DOCK9: variants seen among roughly 807,000 people sequenced by gnomAD.
DOCK9 encodes the protein dedicator of cytokinesis protein 9.
A neutral mutation model predicts 263.3 loss-of-function variants in DOCK9; 89 were observed. The ratio of observed to expected loss-of-function variants is 0.34; its 90% confidence interval spans 0.28 to 0.40. DOCK9 has a LOEUF of 0.40. Ranked by LOEUF, DOCK9 falls within the 10% of genes least tolerant of loss-of-function variation. The pLI is 1.00. For synonymous variants in DOCK9, 976 were observed against 973.1 expected, an observed-to-expected ratio of 1.00 and a Z score of -0.06; for missense variants, 2,140 against 2,603.4, an observed-to-expected ratio of 0.82 and a Z score of 3.87.
At chr13:98,991,843 A>C (rs979758066) in intron 1 of DOCK9, among the ~76,000 whole-genome samples, 7 of 152,024 alleles carry the variant, frequency 4.6e-5, no homozygotes, top group African/African-American at 1.7e-4. Context: ...AAAAAAGTAA[A>C]AAAAAATAAT....
At chr13:98,992,259 G>T (rs1879986566) in intron 1 of DOCK9, among the ~76,000 whole-genome samples, 1 of 152,116 alleles carries the variant, frequency 6.6e-6, no homozygotes, top group African/African-American at 2.4e-5. Flanking sequence ...ATCATGTCAG[G>T]ATCATTTAGA....
At chr13:99,055,559 G>A (rs908254469) in intron 1 of DOCK9, among the ~76,000 whole-genome samples, 1 of 152,182 alleles carries the variant, frequency 6.6e-6, no homozygotes, top group African/African-American at 2.4e-5. Context: ...AGGGTCAGTT[G>A]TGCAGGGCAG....
At chr13:99,058,941 GCCTCCT>G (rs2041056101) in intron 1 of DOCK9, among the ~76,000 whole-genome samples, 1 of 152,194 alleles carries the variant, frequency 6.6e-6, no homozygotes, top group African/African-American at 2.4e-5. Flanking sequence ...ACCCCAGGAA[GCCTCCT>G]GGCTTTGGAA....
intron 1 of DOCK9, among the ~76,000 whole-genome samples, chr13:98,999,945 TC>T (rs1423614037): frequency 2.6e-5 from 4 of 151,976 alleles, no homozygotes; most frequent in South Asian, 2.1e-4. Flanking sequence ...CCATGACCAC[TC>T]CCTGCCTTGT....
chr13:98,797,221 G>C lies in DOCK9; in HGVS notation c.6050C>G (p.Ala2017Gly). ...QFVEACGQALAVNERLIKEDQ... is the reference protein window; with the variant it reads ...QFVEACGQALGVNERLIKEDQ... ...TTCTTTAATCAGACGTTCGTTTACC[G>C]CTAAGGCTTGACCGCAAGCTTCCAC... The change falls in exon 52 of 53, where the codon GCG (alanine) becomes GGG (glycine). Residue 2017 changes from alanine to glycine, a missense_variant. By Grantham distance (60) the Ala-to-Gly change is moderately conservative. Transcript: ENST00000682017. 1 of 1,613,850 alleles carries C rather than the reference G, an allele frequency of 6.2e-7. No homozygotes were observed. The highest frequency in any genetic ancestry group is 1.6e-4 in the Middle Eastern group (1 of 6,062).
intron 27 of DOCK9, among the ~76,000 whole-genome samples, chr13:98,871,129 T>C (rs1381083269): frequency 6.6e-6 from 1 of 152,160 alleles, no homozygotes; most frequent in African/African-American, 2.4e-5. Flanking sequence ...TGTTGGTAGT[T>C]ATATCTTTTT....
chr13:98,897,419 C>T, intron 15 of DOCK9, 69 bp downstream of exon 15: 1 of 1,586,326 alleles, frequency 6.3e-7, no homozygotes, highest in Non-Finnish European at 8.6e-7. Flanking sequence ...AGTGACTGCT[C>T]CCCTGTTCCT....
At chr13:98,823,929 G>A (rs182030708) in intron 45 of DOCK9, among the ~76,000 whole-genome samples, 3 of 152,332 alleles carry the variant, frequency 2.0e-5, no homozygotes, top group Non-Finnish European at 4.4e-5. Flanking sequence ...AGCGGAGGCA[G>A]GGACCAAGGC....
intron 1 of DOCK9, among the ~76,000 whole-genome samples, chr13:99,079,152 A>G (rs1160693567): frequency 6.6e-6 from 1 of 152,264 alleles, no homozygotes; most frequent in Non-Finnish European, 1.5e-5. Flanking sequence ...AGAATGGGGT[A>G]GCCCTCCAAG....
At chr13:98,891,548 C>T (rs1211526723) in intron 15 of DOCK9, among the ~76,000 whole-genome samples, 1 of 152,188 alleles carries the variant, frequency 6.6e-6, no homozygotes, top group African/African-American at 2.4e-5. Flanking sequence ...CCAACATCCT[C>T]CACATATAAA....
Position 98,810,232 on chromosome 13 carries a change from G to A in DOCK9, c.5190C>T (p.Tyr1730=), listed in dbSNP as rs531677948. The part of the protein sequence containing the change: ...CADGLWKAER[Y]ELIADIYKLI... ...GTTTGTAGATGTCGGCGATGAGCTCGTAGCGCTCGGCTTTCCAGAGTCCAT... is the reference window on the plus strand; with the variant it reads ...GTTTGTAGATGTCGGCGATGAGCTCATAGCGCTCGGCTTTCCAGAGTCCAT... The change falls in exon 46 of 53, where the codon TAC becomes TAT. Residue 1730 remains tyrosine (Y), a synonymous_variant. Transcript: ENST00000682017. 8.1e-6 allele frequency: 13 copies of A among 1,613,164 alleles called. No homozygotes were observed. The highest frequency in any genetic ancestry group is 3.3e-5 in the South Asian group (3 of 91,022).
chr13:98,833,333 A>G (rs2141002460), intron 39 of DOCK9, among the ~76,000 whole-genome samples: 1 of 152,186 alleles, frequency 6.6e-6, no homozygotes, highest in South Asian at 2.1e-4. Flanking sequence ...ATTCCTAATT[A>G]TGACTGGATT....
chr13:99,029,607 T>A (rs1332429549), intron 1 of DOCK9, among the ~76,000 whole-genome samples: 1 of 152,260 alleles, frequency 6.6e-6, no homozygotes, highest in South Asian at 2.1e-4. Flanking sequence ...TTTAGGAAAA[T>A]GCAAATTAAA....
chr13:98,907,781 C>G (rs1407470617), intron 9 of DOCK9, among the ~76,000 whole-genome samples: 1 of 152,096 alleles, frequency 6.6e-6, no homozygotes. Flanking sequence ...ATGGAATTAC[C>G]AAGTAAAATC....
intron 18 of DOCK9, among the ~76,000 whole-genome samples, chr13:98,887,443 C>T (rs1333487688): frequency 4.0e-5 from 6 of 150,250 alleles, no homozygotes; most frequent in Non-Finnish European, 8.9e-5. Context: ...GGTGAAACCC[C>T]GTCTCTACTA....
intron 22 of DOCK9, 130 bp downstream of exon 22, chr13:98,883,683 C>T (rs2045210432): frequency 1.7e-6 from 1 of 581,544 alleles, no homozygotes; most frequent in Non-Finnish European, 3.0e-6. Flanking sequence ...GTTGTACTTT[C>T]TTTCTTTAGA....
At chr13:98,915,854 T>C (rs2050807510) in intron 7 of DOCK9, among the ~76,000 whole-genome samples, 1 of 152,190 alleles carries the variant, frequency 6.6e-6, no homozygotes, top group African/African-American at 2.4e-5. Flanking sequence ...TTGCACATAG[T>C]GGGTATTTGA....
intron 1 of DOCK9, among the ~76,000 whole-genome samples, chr13:99,001,275 T>G (rs1221173012): frequency 6.6e-6 from 1 of 152,238 alleles, no homozygotes. Flanking sequence ...TTTCAAAATT[T>G]TGTTCTCAGT....
intron 1 of DOCK9, among the ~76,000 whole-genome samples, chr13:99,048,074 C>G (rs1566353737): frequency 6.6e-6 from 1 of 152,220 alleles, no homozygotes; most frequent in Non-Finnish European, 1.5e-5. Context: ...GAATCAAACA[C>G]TGATGTCCGA....
Sources: gnomAD v4.1 joint callset for allele counts (sites outside exome capture counted in the v4.1 genomes callset) on GRCh38, gnomAD v4.1.1 for gene constraint, MANE v1.5 for transcripts, NCBI Gene and HGNC (gene_info 2026-07-23, HGNC 2026-07-21) for gene names.